The following LITAF variants were observed in gnomAD, a reference collection of about 807,000 sequenced individuals.
LITAF encodes the protein lipopolysaccharide induced TNF factor, also known as lipopolysaccharide-induced tumor necrosis factor-alpha factor.
LITAF carries 9 observed loss-of-function variants against 14.5 expected under a neutral mutation model. The ratio of observed to expected loss-of-function variants is 0.62; its 90% CI spans 0.37 to 1.08. The LOEUF (loss-of-function observed/expected upper bound fraction) is 1.08. Ranked by LOEUF, LITAF falls within the 50% of genes least tolerant of loss-of-function variation. The pLI, the probability that LITAF is intolerant of heterozygous loss-of-function variation, is 0.01. For missense variants in LITAF, 206 were observed against 213.4 expected, an observed-to-expected ratio of 0.97 and a Z score of 0.22; for synonymous variants, 98 against 88.2, an observed-to-expected ratio of 1.11 and a Z score of -0.62.
intron 1 of LITAF, among the ~76,000 whole-genome samples, chr16:11,578,061 A>AT (rs200513418): frequency 0.011 from 1,711 of 151,380 alleles, 32 homozygotes; most frequent in African/African-American, 0.039. Context: ...ACACTCAGCG[A>AT]TTTTTTTTTA....
At position 11,558,681 on chromosome 16, in the gene LITAF, C is replaced by A. The variant is rs549352743; in HGVS notation, c.-5-1946G>T. 4.6e-5 allele frequency among the ~76,000 whole-genome samples: 7 copies of A among 152,254 alleles called. No homozygotes were observed. The South Asian group carries it at 1.5e-3, about 32-fold the overall frequency. On this transcript the variant is annotated intron_variant, in intron 1 of 3. Coordinates refer to ENST00000622633, the MANE Select transcript of LITAF (RefSeq NM_001136472.2). The surrounding 1 kb of genome is among the most constrained non-coding windows in gnomAD (Gnocchi z 4.1). Reference sequence around the variant, plus strand: ...CATGATCACTCCACTGCACTCCAGCCTGGGAAACAGAGCGAGACTCTGTCT... The same window carrying A: ...CATGATCACTCCACTGCACTCCAGCATGGGAAACAGAGCGAGACTCTGTCT...
intron 3 of LITAF, among the ~76,000 whole-genome samples, chr16:11,628,532 C>G (rs2065098455): frequency 6.6e-6 from 1 of 152,178 alleles, no homozygotes; most frequent in South Asian, 2.1e-4. Flanking sequence ...TAGTCAAGAT[C>G]TTGCTCTGTT....
chr16:11,639,632 G>A (rs1259056812), upstream of LITAF, among the ~76,000 whole-genome samples: 1 of 150,580 alleles, frequency 6.6e-6, no homozygotes, highest in Non-Finnish European at 1.5e-5. Context: ...AAAAAAAAAA[G>A]AAAAAAGAAT....
At chr16:11,593,963 G>C (rs1379109225) in intron 1 of LITAF, among the ~76,000 whole-genome samples, 1 of 152,074 alleles carries the variant, frequency 6.6e-6, no homozygotes, top group African/African-American at 2.4e-5. Flanking sequence ...AGTTGCTTGA[G>C]GTCGGGAGTT....
At chr16:11,559,717 G>A (rs543172010) in intron 1 of LITAF, among the ~76,000 whole-genome samples, 1 of 150,920 alleles carries the variant, frequency 6.6e-6, no homozygotes, top group Non-Finnish European at 1.5e-5. Context: ...CTACTAGGCC[G>A]GGCATGGTGG....
chr16:11,594,763 C>G (rs1048855890), intron 1 of LITAF, among the ~76,000 whole-genome samples: 2 of 152,098 alleles, frequency 1.3e-5, no homozygotes, highest in Non-Finnish European at 1.5e-5. Context: ...GTAATCCCAG[C>G]TTCTTGGGAG....
At chr16:11,637,422 T>C (rs1360639898), upstream of LITAF, among the ~76,000 whole-genome samples, 2 of 152,250 alleles carry the variant, frequency 1.3e-5, no homozygotes, top group Non-Finnish European at 2.9e-5. Context: ...CTCAGTCCTC[T>C]TTCTGTAAAT....
At chr16:11,620,613 C>T (rs12599584) in intron 3 of LITAF, among the ~76,000 whole-genome samples, 2,222 of 152,254 alleles carry the variant, frequency 0.015, 75 homozygotes, top group East Asian at 0.14. Flanking sequence ...GGATTACAGA[C>T]GTGAGCCACT....
At chr16:11,611,394 G>T (rs2064981458) in intron 3 of LITAF, among the ~76,000 whole-genome samples, 1 of 152,108 alleles carries the variant, frequency 6.6e-6, no homozygotes, top group Non-Finnish European at 1.5e-5. Context: ...GAGAAACAGT[G>T]AATACTTTTT....
intron 1 of LITAF, among the ~76,000 whole-genome samples, chr16:11,557,603 C>T (rs890804745): frequency 1.3e-5 from 2 of 152,098 alleles, no homozygotes; most frequent in African/African-American, 4.8e-5. Context: ...GCATGTGCCC[C>T]CCCGCCCGGC....
chr16:11,549,110 C>T lies in LITAF; in HGVS notation c.*527G>A, dbSNP rs770642237. The T allele has an allele frequency of 4.4e-6, 2 of 453,926 alleles. No homozygotes were observed. The highest frequency in any genetic ancestry group is 3.1e-5 in the South Asian group (2 of 64,450). The allele number at this position is 453,926 out of a possible 1,614,324, so 28.1% of individuals were successfully genotyped here. ...TGTGTGCTAATGAAGTCTGCAGTTA[C>T]AGAATCTCAAAGCCAAGCCTGTAAA... On this transcript the variant is annotated 3_prime_UTR_variant, in exon 4 of 4. Coordinates refer to ENST00000622633, the MANE Select transcript of LITAF (RefSeq NM_001136472.2). This position sits in a 1 kb window ranked among gnomAD's most constrained non-coding sequence, Gnocchi z 4.6.
At chr16:11,564,761 C>G (rs1383062756) in intron 1 of LITAF, among the ~76,000 whole-genome samples, 1 of 152,044 alleles carries the variant, frequency 6.6e-6, no homozygotes, top group Non-Finnish European at 1.5e-5. Context: ...TCCGGCTCCA[C>G]GACAGCCCTG....
In LITAF at chr16:11,556,548, A is replaced by G. The variant is rs1370439753; in HGVS notation, c.183T>C (p.Tyr61=). The part of the protein sequence containing the change: ...PDGKGMNPPS[Y]YTQPAPIPNN... ...TGGGGATGGGCGCTGGCTGGGTATA[A>G]TACGAAGGAGGATTCATGCCCTTCC... The change falls in exon 2 of 4, where the codon TAT becomes TAC. Residue 61 remains tyrosine (Y), a synonymous_variant. Transcript: ENST00000622633. The G allele has an allele frequency of 3.7e-6, 6 of 1,614,160 alleles. No individual in the cohort carries two copies. The highest frequency in any genetic ancestry group is 5.1e-6 in the Non-Finnish European group (6 of 1,180,026).
At chr16:11,587,907 C>A (rs1421704138), upstream of LITAF, among the ~76,000 whole-genome samples, 2 of 152,112 alleles carry the variant, frequency 1.3e-5, no homozygotes, top group African/African-American at 4.8e-5. Flanking sequence ...GGACAGGGAG[C>A]TTCCGAGCCC....
At chr16:11,637,764 C>T (rs1186863776), upstream of LITAF, among the ~76,000 whole-genome samples, 1 of 150,284 alleles carries the variant, frequency 6.7e-6, no homozygotes, top group East Asian at 1.9e-4. Context: ...GCCTGTAGTC[C>T]CAGCTACTCC....
upstream of LITAF, among the ~76,000 whole-genome samples, chr16:11,638,519 G>A (rs189450502): frequency 2.0e-5 from 3 of 151,898 alleles, no homozygotes; most frequent in Admixed American, 2.0e-4. Context: ...TGACCAACAT[G>A]ATGAAACCCA....
chr16:11,570,142 G>A lies in LITAF; in HGVS notation c.-5-13407C>T, dbSNP rs1208273620. Among the ~76,000 whole-genome samples, 5 of 151,700 alleles carry A rather than the reference G, an allele frequency of 3.3e-5. No homozygotes were observed. In the East Asian group the frequency reaches 7.7e-4, roughly 23 times the overall value. ...CAAATCCCAACTCTGCCACTTCTAC[G>A]GTGTGCAAATGGGGGTGAGTTGCCA... On this transcript the variant is annotated intron_variant, in intron 1 of 3. Transcript: ENST00000622633.
chr16:11,588,528 A>G (rs544113876), upstream of LITAF, among the ~76,000 whole-genome samples: 12 of 136,422 alleles, frequency 8.8e-5, no homozygotes, highest in South Asian at 1.5e-3. Flanking sequence ...AAAGAAAAAA[A>G]AAAGAAAGAA....
intron 3 of LITAF, among the ~76,000 whole-genome samples, chr16:11,612,857 C>A (rs2064991186): frequency 6.6e-6 from 1 of 152,202 alleles, no homozygotes; most frequent in Non-Finnish European, 1.5e-5. Flanking sequence ...TGGGCACCAT[C>A]TCAGGGACTC....
Sources: gnomAD v4.1 joint callset for allele counts (sites outside exome capture counted in the v4.1 genomes callset) on GRCh38, gnomAD v4.1.1 for gene constraint, Gnocchi (gnomAD v3.1) non-coding constraint, MANE v1.5 for transcripts, NCBI Gene and HGNC (gene_info 2026-07-23, HGNC 2026-07-21) for gene names.